The following ZBTB32 variants were observed in gnomAD, a reference collection of about 807,000 sequenced individuals.
ZBTB32 encodes the protein zinc finger and BTB domain-containing protein 32.
Under a neutral mutation model 45.3 loss-of-function variants are expected in ZBTB32, and 28 were observed. The observed-to-expected ratio is 0.62, with a 90% CI of 0.46 to 0.85. ZBTB32 has a LOEUF of 0.85. ZBTB32 is among the 40% of genes least tolerant of loss of function. ZBTB32 has a pLI of 0.00. For synonymous variants in ZBTB32, 283 were observed against 255.7 expected (o/e 1.11, Z -1.02); for missense variants, 587 against 624.4 (o/e 0.94, Z 0.64).
At chr19:35,716,361 C>A in intron 6 of ZBTB32, 64 bp downstream of exon 6, 10 of 1,600,164 alleles carry the variant, frequency 6.2e-6, no homozygotes, top group Non-Finnish European at 8.5e-6. Flanking sequence ...TGAGTCTCCA[C>A]CTGTGTGCCC....
Position 35,714,780 on chromosome 19 carries a change from C to T in ZBTB32, c.154C>T (p.Gln52Ter). Residue 52 changes from glutamine (Q) to a stop codon, truncating the protein, a stop_gained, in exon 3 of 7, where the codon CAG (glutamine) becomes TAG (stop). Coordinates refer to ENST00000392197, the MANE Select transcript of ZBTB32 (RefSeq NM_014383.3). LOFTEE classifies it high-confidence loss of function. ...CAGCCTGGTGCTAGCAGGTGTCAGC[C>T]AGCAGCTGGGCCGCAGGGGCCAGTG... ...AHSLVLAGVSQQLGRRGQWAL... is the reference protein window; with the variant it reads ...AHSLVLAGVS The T allele has an allele frequency of 1.9e-6, 3 of 1,614,184 alleles. No homozygotes were observed. The highest frequency in any genetic ancestry group is 2.5e-6 in the Non-Finnish European group (3 of 1,180,028).
chr19:35,707,038 G>A (rs906105486), intron 1 of ZBTB32, among the ~76,000 whole-genome samples: 10 of 151,828 alleles, frequency 6.6e-5, no homozygotes, highest in East Asian at 3.9e-4. Context: ...ATCCCAGCTC[G>A]GCAGACAGCC....
Position 35,716,600 on chromosome 19 carries a change from C to G in ZBTB32, c.1312C>G (p.Pro438Ala), listed in dbSNP as rs267605434. ...YRCSLCGAGC[P>A]SLASMQAHMR... ...CTGCTCCCTGTGCGGGGCCGGCTGT[C>G]CCAGCCTGGCCTCCATGCAGGCGCA... The change falls in exon 7 of 7, where the codon CCC (proline) becomes GCC (alanine). Residue 438 changes from proline (P) to alanine (A), a missense_variant. Transcript: ENST00000392197. 5 of 1,613,268 alleles carry G rather than the reference C, an allele frequency of 3.1e-6. No individual in the cohort carries two copies. Among genetic ancestry groups the G allele is most frequent in the Non-Finnish European group, 4.2e-6 (5 of 1,179,934 alleles).
chr19:35,712,623 C>T (rs1968733295), intron 1 of ZBTB32, among the ~76,000 whole-genome samples: 1 of 152,130 alleles, frequency 6.6e-6, no homozygotes, highest in South Asian at 2.1e-4. Context: ...GGACCTTGAC[C>T]CCTTGGGCAG....
chr19:35,707,939 G>C (rs1195716857), intron 1 of ZBTB32, among the ~76,000 whole-genome samples: 2 of 152,036 alleles, frequency 1.3e-5, no homozygotes, highest in African/African-American at 4.8e-5. Flanking sequence ...CCAAGATCGT[G>C]CCACTGCACT....
chr19:35,708,930 TGCCTCAGCCTCTCGAGTAGCTG>T (rs1968616867), intron 1 of ZBTB32, among the ~76,000 whole-genome samples: 1 of 151,970 alleles, frequency 6.6e-6, no homozygotes, highest in Non-Finnish European at 1.5e-5. Flanking sequence ...GCGATTCTCC[TGCCTCAGCCTCTCGAGTAGCTG>T]GAATTACAGG....
In ZBTB32 at chr19:35,714,575, A is replaced by C; in HGVS notation, c.-52A>C. 1.4e-6 allele frequency: 2 copies of C among 1,477,808 alleles called. No individual in the cohort carries two copies. Among genetic ancestry groups the C allele is most frequent in the East Asian group, 4.8e-5 (2 of 41,972 alleles). The allele number at this position is 1,477,808 out of a possible 1,614,324, so 91.5% of individuals were successfully genotyped here. On this transcript the variant is annotated 5_prime_UTR_variant, in exon 3 of 7. Transcript: ENST00000392197. ...CTCCCCTTTCAACCATGGACCTCAC[A>C]CTGTGGACTTCCTCTTAGAGCCTCT...
intron 1 of ZBTB32, among the ~76,000 whole-genome samples, chr19:35,705,121 C>T (rs9304874): frequency 0.16 from 24,774 of 152,014 alleles, 2,150 homozygotes; most frequent in Middle Eastern, 0.3. Flanking sequence ...GCCTGGCCAA[C>T]ATGGAGAAAC....
At chr19:35,712,114 T>C (rs1968718722) in intron 1 of ZBTB32, among the ~76,000 whole-genome samples, 1 of 151,762 alleles carries the variant, frequency 6.6e-6, no homozygotes, top group East Asian at 1.9e-4. Flanking sequence ...GTACCTGACT[T>C]GTTTATCTTC....
intron 3 of ZBTB32, 100 bp from the exon 4 acceptor site, chr19:35,715,657 A>G: frequency 6.7e-7 from 1 of 1,486,988 alleles, no homozygotes; most frequent in African/African-American, 1.4e-5. Flanking sequence ...GGCACGCCAA[A>G]GCCCAGCCCC....
At chr19:35,709,614 C>T (rs1968634989) in intron 1 of ZBTB32, among the ~76,000 whole-genome samples, 1 of 152,154 alleles carries the variant, frequency 6.6e-6, no homozygotes, top group Admixed American at 6.6e-5. Context: ...GGCGTGGTGC[C>T]TCATGCCTGT....
chr19:35,706,487 C>A (rs534385070), intron 1 of ZBTB32, among the ~76,000 whole-genome samples: 1 of 151,708 alleles, frequency 6.6e-6, no homozygotes, highest in Non-Finnish European at 1.5e-5. Context: ...TTTGGGAGGC[C>A]GAGGCAGGTG....
chr19:35,705,202 A>G (rs1968509026), intron 1 of ZBTB32, among the ~76,000 whole-genome samples: 1 of 152,106 alleles, frequency 6.6e-6, no homozygotes, highest in African/African-American at 2.4e-5. Flanking sequence ...CCAGCTACTC[A>G]GAAAGCTGAG....
rs1367865624 is a variant in ZBTB32, at chr19:35,716,980, A to C, written c.*228A>C. The C allele has an allele frequency of 2.1e-5, 12 of 579,038 alleles. No individual in the cohort carries two copies. The highest frequency in any genetic ancestry group is 2.4e-5 in the Non-Finnish European group (8 of 326,684). The allele number at this position is 579,038 out of a possible 1,614,324, so 35.9% of individuals were successfully genotyped here. On this transcript the variant is annotated 3_prime_UTR_variant, in exon 7 of 7. Coordinates refer to ENST00000392197, the MANE Select transcript of ZBTB32 (RefSeq NM_014383.3). ...GAAGTGTGCAGGAGCGAAGGTTAAC[A>C]GTAGGGGAGATTGTCGATCTCATCA... is the stretch of plus-strand genomic sequence containing the variant.
rs1968814237 is a variant in ZBTB32, at chr19:35,714,948, G to A, written c.322G>A (p.Ala108Thr). ...CTTGGGAGTGCAGTCCCTGGAAGAG[G>A]CATGCTGGAGGGCTCGAGGGGACAG... Reference protein sequence around the residue: ...RALGVQSLEEACWRARGDRAK... With the variant: ...RALGVQSLEETCWRARGDRAK... The change falls in exon 3 of 7, where the codon GCA becomes ACA. Residue 108 changes from alanine (A) to threonine (T), a missense_variant. Ala to Thr is a moderately conservative substitution (Grantham distance 58). Transcript: ENST00000392197. The A allele has an allele frequency of 1.3e-6, 2 of 1,584,662 alleles. No individual in the cohort carries two copies. The highest frequency in any genetic ancestry group is 1.8e-5 in the Admixed American group (1 of 55,552).
chr19:35,709,325 G>A (rs543623308), intron 1 of ZBTB32, among the ~76,000 whole-genome samples: 2 of 152,246 alleles, frequency 1.3e-5, no homozygotes, highest in East Asian at 3.9e-4. Context: ...GTGAAATAGA[G>A]GGAGAACTTT....
chr19:35,716,183 C>G lies in ZBTB32; in HGVS notation c.1075C>G (p.Arg359Gly), dbSNP rs1203859604. The change falls in exon 6 of 7, where the codon CGC becomes GGC. Residue 359 changes from arginine (R) to glycine (G), a missense_variant. Arg to Gly is a moderately radical substitution (Grantham distance 125). Transcript: ENST00000392197. ...GHEDKAGCPP[R>G]PHPPPAPPAR... ...TGAGGACAAGGCAGGCTGCCCACCTCGCCCGCACCCTCCCCCGGCCCCTCC... is the reference window on the plus strand; with the variant it reads ...TGAGGACAAGGCAGGCTGCCCACCTGGCCCGCACCCTCCCCCGGCCCCTCC... 10 of 1,613,830 alleles carry G rather than the reference C, an allele frequency of 6.2e-6. No homozygotes were observed. Among genetic ancestry groups the G allele is most frequent in the Non-Finnish European group, 8.5e-6 (10 of 1,179,948 alleles).
intron 1 of ZBTB32, among the ~76,000 whole-genome samples, chr19:35,705,797 G>A (rs2069398668): frequency 6.6e-6 from 1 of 151,718 alleles, no homozygotes; most frequent in South Asian, 2.1e-4. Context: ...TGTAATCCCA[G>A]CTACTCAGGA....
At position 35,714,538 on chromosome 19, in the gene ZBTB32, A is replaced by C; in HGVS notation, c.-89A>C. ...ACATCCACAGGCTTGAAATGAGATG[A>C]GATGTTCCTCCCTCCCCTTTCAACC... On this transcript the variant is annotated 5_prime_UTR_variant, in exon 3 of 7. The change abolishes the stop of an existing upstream ORF in the 5' untranslated region. Transcript: ENST00000392197. 7.4e-7 allele frequency: 1 copy of C among 1,353,372 alleles called. No homozygotes were observed. Among genetic ancestry groups the C allele is most frequent in the Non-Finnish European group, 9.9e-7 (1 of 1,014,198 alleles). 83.8% of individuals were successfully genotyped at this position (1,353,372 alleles called of 1,614,324 possible). A position where few individuals can be genotyped will look rare whatever the true frequency, so the allele number is the denominator to read the frequency against.
Sources: gnomAD v4.1 joint callset for allele counts (sites outside exome capture counted in the v4.1 genomes callset) on GRCh38, gnomAD v4.1.1 for gene constraint, MANE v1.5 for transcripts, NCBI Gene and HGNC (gene_info 2026-07-23, HGNC 2026-07-21) for gene names.